Variants in PRICKLE2 observed in about 807,000 individuals in gnomAD.
PRICKLE2 encodes the protein prickle planar cell polarity protein 2.
A neutral mutation model predicts 81.4 loss-of-function variants in PRICKLE2; 21 were observed. The ratio of observed to expected loss-of-function variants is 0.26; its 90% CI spans 0.18 to 0.37. The LOEUF (loss-of-function observed/expected upper bound fraction) is 0.37. PRICKLE2 is among the 10% of genes least tolerant of loss of function. The probability of loss-of-function intolerance (pLI) is 1.00; values close to 1 mark genes in which losing one functional copy is unlikely to be tolerated. For missense variants in PRICKLE2, 940 were observed against 1,109.0 expected, an observed-to-expected ratio of 0.85 and a Z score of 2.16; for synonymous variants, 456 against 421.5, an observed-to-expected ratio of 1.08 and a Z score of -1.00.
At chr3:64,163,584 C>T (rs1388578296) in intron 2 of PRICKLE2, 1 of 192,516 alleles carries the variant, frequency 5.2e-6, no homozygotes, top group Non-Finnish European at 1.1e-5. Context: ...CCCTAGGTAC[C>T]TCAGCCTCCA....
intron 6 of PRICKLE2, among the ~76,000 whole-genome samples, chr3:64,150,958 T>C (rs1022906482): frequency 1.3e-5 from 2 of 152,198 alleles, no homozygotes; most frequent in African/African-American, 2.4e-5. Context: ...CTGTTCGACA[T>C]CTAAGCGTTC....
intron 2 of PRICKLE2, among the ~76,000 whole-genome samples, chr3:64,188,666 T>A (rs951060859): frequency 6.6e-6 from 1 of 152,206 alleles, no homozygotes; most frequent in Non-Finnish European, 1.5e-5. Context: ...CCATCCAATA[T>A]AAAGTAGATA....
At chr3:64,257,126 C>G (rs1449599006) in intron 2 of PRICKLE2, among the ~76,000 whole-genome samples, 1 of 152,206 alleles carries the variant, frequency 6.6e-6, no homozygotes, top group Non-Finnish European at 1.5e-5. Context: ...CAGGAAAAGT[C>G]TCTCATACAT....
intron 2 of PRICKLE2, among the ~76,000 whole-genome samples, chr3:64,192,105 G>A (rs548409489): frequency 3.9e-5 from 6 of 152,328 alleles, no homozygotes; most frequent in Admixed American, 2.6e-4. Flanking sequence ...AGGAGCAGCC[G>A]AGGGAACAGA....
chr3:64,244,603 G>GGTGTGTGTGTGTGTGTGTGT (rs71680837), intron 2 of PRICKLE2, among the ~76,000 whole-genome samples: 1 of 91,622 alleles, frequency 1.1e-5, no homozygotes, highest in African/African-American at 3.1e-5. Flanking sequence ...GTGAATGACT[G>GGTGTGTGTGTGTGTGTGTGT]GTGTGTGTGT....
In PRICKLE2 at chr3:64,127,839, C is replaced by T. The variant is rs549279910; in HGVS notation, c.1660+18991G>A. Reference sequence around the variant, plus strand: ...CTGACTTGTCTTCTCTCTCTTGGTCCCATTTTGTGATTTTGGATCTCCCAA... The same window carrying T: ...CTGACTTGTCTTCTCTCTCTTGGTCTCATTTTGTGATTTTGGATCTCCCAA... On this transcript the variant is annotated intron_variant, in intron 7 of 7. Transcript: ENST00000638394. Among the ~76,000 whole-genome samples, 5 of 151,952 alleles carry T rather than the reference C, an allele frequency of 3.3e-5. No individual in the cohort carries two copies. In the East Asian group the frequency reaches 9.7e-4, roughly 30 times the overall value.
chr3:64,220,345 G>A (rs2078932605), intron 1 of PRICKLE2, among the ~76,000 whole-genome samples: 3 of 152,214 alleles, frequency 2.0e-5, no homozygotes, highest in Non-Finnish European at 4.4e-5. Flanking sequence ...GTCGAGGAGA[G>A]GAGGGTGACT....
chr3:64,238,805 C>T (rs1322131792), intron 2 of PRICKLE2, among the ~76,000 whole-genome samples: 1 of 152,182 alleles, frequency 6.6e-6, no homozygotes, highest in Admixed American at 6.5e-5. Flanking sequence ...AATTGCCAAA[C>T]ATACAGCAGG....
chr3:64,253,952 A>T lies in PRICKLE2; in HGVS notation c.129-54985T>A, dbSNP rs78641513. Among the ~76,000 whole-genome samples the T allele has an allele frequency of 3.4e-3, 516 of 152,268 alleles. 9 individuals are homozygous for T. Among genetic ancestry groups the T allele is most frequent in the Admixed American group, 0.026 (405 of 15,290 alleles). On this transcript the variant is annotated intron_variant, in intron 2 of 8. Coordinates refer to the PRICKLE2 transcript ENST00000295902. Reference sequence around the variant, plus strand: ...GCACTGTCGCACTCTCTGAAACCTCAACAAAGTCTCCTCGTGAGATGAGTG... The same window carrying T: ...GCACTGTCGCACTCTCTGAAACCTCTACAAAGTCTCCTCGTGAGATGAGTG...
At position 64,098,505 on chromosome 3, in the gene PRICKLE2, G is replaced by A. The variant is rs988132480; in HGVS notation, c.*546C>T. The A allele has an allele frequency of 1.3e-5, 2 of 148,332 alleles. No homozygotes were observed. Among genetic ancestry groups the A allele is most frequent in the East Asian group, 4.0e-4 (2 of 5,052 alleles). The allele number at this position is 148,332 out of a possible 1,614,324, so 9.2% of individuals were successfully genotyped here. On this transcript the variant is annotated 3_prime_UTR_variant, in exon 8 of 8. Transcript: ENST00000638394. ...AAAAAAAAAAAAAAGGTGGTACCGGGCCACATTTCAATACTACTCAGAGAC... is the reference window on the plus strand; with the variant it reads ...AAAAAAAAAAAAAAGGTGGTACCGGACCACATTTCAATACTACTCAGAGAC...
chr3:64,240,098 G>A (rs2079241366), intron 2 of PRICKLE2, among the ~76,000 whole-genome samples: 1 of 152,040 alleles, frequency 6.6e-6, no homozygotes, highest in Non-Finnish European at 1.5e-5. Context: ...ACTCCAGCCT[G>A]TGCGACAGAG....
At chr3:64,170,749 C>T (rs1001350233) in intron 2 of PRICKLE2, among the ~76,000 whole-genome samples, 13 of 150,296 alleles carry the variant, frequency 8.6e-5, no homozygotes, top group African/African-American at 2.7e-4. Flanking sequence ...GTGGTGCACA[C>T]CTGTGGTCTC....
At chr3:64,200,098 C>A (rs550007586) in intron 1 of PRICKLE2, 5 of 152,246 alleles carry the variant, frequency 3.3e-5, no homozygotes, top group South Asian at 4.1e-4. Context: ...CCAAAAGAAA[C>A]CCCAGGAGCA....
At chr3:64,145,478 G>A (rs1424648725) in intron 7 of PRICKLE2, 1 of 151,360 alleles carries the variant, frequency 6.6e-6, no homozygotes, top group Non-Finnish European at 1.5e-5. Context: ...CTCCTGCCTT[G>A]GCCTCCCAAA....
intron 2 of PRICKLE2, among the ~76,000 whole-genome samples, chr3:64,198,496 G>A (rs775849234): frequency 2.6e-5 from 4 of 152,064 alleles, no homozygotes; most frequent in African/African-American, 4.8e-5. Context: ...AATACAAGAG[G>A]CTGTATTTCA....
At chr3:64,241,936 T>C (rs943455723) in intron 2 of PRICKLE2, among the ~76,000 whole-genome samples, 5 of 152,112 alleles carry the variant, frequency 3.3e-5, no homozygotes, top group Non-Finnish European at 7.4e-5. Context: ...AAATGGATAA[T>C]AGTCTACCAC....
At chr3:64,251,480 T>G (rs1169943885) in intron 2 of PRICKLE2, among the ~76,000 whole-genome samples, 1 of 152,220 alleles carries the variant, frequency 6.6e-6, no homozygotes. Context: ...GCAATCATGT[T>G]ATACCTAATC....
At chr3:64,238,462 G>T (rs1169414861) in intron 2 of PRICKLE2, among the ~76,000 whole-genome samples, 4 of 145,680 alleles carry the variant, frequency 2.7e-5, no homozygotes, top group African/African-American at 1.0e-4. Context: ...ATTCCAGCCT[G>T]GCAACAGAAC....
In PRICKLE2 at chr3:64,147,220, T is replaced by A; in HGVS notation, c.1270A>T (p.Ile424Phe). The A allele has an allele frequency of 6.2e-7, 1 of 1,610,434 alleles. No individual in the cohort carries two copies. Among genetic ancestry groups the A allele is most frequent in the Non-Finnish European group, 8.5e-7 (1 of 1,177,806 alleles). ...SPLQLLSQCNIRTSYSPGGQG... is the reference protein window; with the variant it reads ...SPLQLLSQCNFRTSYSPGGQG... ...CCTCCTGGACTGTAGGAAGTTCTGA[T>A]GTTGCACTGGCTGAGGAGCTGCAGA... is the stretch of plus-strand genomic sequence containing the variant. The change falls in exon 7 of 8, where the codon ATC (isoleucine) becomes TTC (phenylalanine). Residue 424 changes from isoleucine (I) to phenylalanine (F), a missense_variant. This residue lies in a region of PRICKLE2 where 670 missense variants were observed against 717.2 expected (regional missense o/e 0.93). Coordinates refer to ENST00000638394, the MANE Select transcript of PRICKLE2 (RefSeq NM_198859.4). This position sits in a 1 kb window ranked among gnomAD's most constrained non-coding sequence, Gnocchi z 5.0.
Sources: gnomAD v4.1 joint callset for allele counts (sites outside exome capture counted in the v4.1 genomes callset) on GRCh38, gnomAD v4.1.1 for gene constraint, gnomAD v4.1.1 regional missense constraint, Gnocchi (gnomAD v3.1) non-coding constraint, MANE v1.5 for transcripts, NCBI Gene and HGNC (gene_info 2026-07-23, HGNC 2026-07-21) for gene names.